ACSF2: variants seen among roughly 807,000 people sequenced by gnomAD.
ACSF2 encodes medium-chain acyl-CoA ligase ACSF2, mitochondrial.
ACSF2 carries 52 observed loss-of-function variants against 79.3 expected under a neutral mutation model. That is an observed-to-expected ratio of 0.66 (90% CI 0.53 to 0.83). The LOEUF (loss-of-function observed/expected upper bound fraction) is 0.83. Among genes scored for constraint, ACSF2 ranks in the 40% least tolerant of loss-of-function variants. The probability of loss-of-function intolerance (pLI) is 0.00; values close to 1 mark genes in which losing one functional copy is unlikely to be tolerated. For synonymous variants in ACSF2, 283 were observed against 312.6 expected (o/e 0.91, Z 1.00); for missense variants, 661 against 803.3 (o/e 0.82, Z 2.14).
At chr17:50,465,399 C>T in intron 10 of ACSF2, 1 of 1,613,910 alleles carries the variant, frequency 6.2e-7, no homozygotes, top group Non-Finnish European at 8.5e-7. Context: ...GCAGGTGAGG[C>T]ACAGGTGGCA....
At chr17:50,450,276 G>C (rs2031585167) in intron 1 of ACSF2, 1 of 152,410 alleles carries the variant, frequency 6.6e-6, no homozygotes. Flanking sequence ...GAGGCAGGTG[G>C]ATCACTTGAG....
rs774769847 is a variant in ACSF2 at position 50,468,717 on chromosome 17, G to C, written c.1216-2311G>C. The C allele has an allele frequency of 6.8e-6, 11 of 1,612,014 alleles. No homozygotes were observed. In the South Asian group the frequency reaches 8.8e-5, roughly 13 times the overall value. ...ACCTTGTCGCAGATGACGTGCTGCA[G>C]GTCGCTGTGGCAGTGGCAGTTCTGG... On this transcript the variant is annotated intron_variant, in intron 10 of 15. Coordinates refer to ENST00000300441, the MANE Select transcript of ACSF2 (RefSeq NM_025149.6).
rs373624530 is a variant in ACSF2 at position 50,443,544 on chromosome 17, T to C, written c.129-17133T>C. ...CTTGAAGATTCTCTTTTGAGCTCTC[T>C]TTAAGCAATTTGTCAGAAATGCTGA... On this transcript the variant is annotated intron_variant, in intron 1 of 15. Transcript: ENST00000300441. 1.1e-3 allele frequency among the ~76,000 whole-genome samples: 173 copies of C among 152,346 alleles called. 1 individual carries two copies. The highest frequency in any genetic ancestry group is 3.9e-3 in the African/African-American group (164 of 41,594).
chr17:50,473,432 A>G (rs920699298), intron 12 of ACSF2: 5 of 550,294 alleles, frequency 9.1e-6, no homozygotes, highest in African/African-American at 7.6e-5. Flanking sequence ...AAAGCTATGT[A>G]TAGATGTGTT....
At chr17:50,434,230 G>T (rs1287873497) in intron 1 of ACSF2, among the ~76,000 whole-genome samples, 1 of 151,392 alleles carries the variant, frequency 6.6e-6, no homozygotes, top group African/African-American at 2.4e-5. Context: ...GAGGCAGGAG[G>T]ATTGCTTGAG....
chr17:50,440,327 C>T lies in ACSF2; in HGVS notation c.128+13938C>T, dbSNP rs562251462. On this transcript the variant is annotated intron_variant, in intron 1 of 15. Coordinates refer to ENST00000300441, the MANE Select transcript of ACSF2 (RefSeq NM_025149.6). ...AGGTTCTGAGTCCTTCATCCTCCCT[C>T]CCCAGTGGCTTCTGAAGAGGCCTTG... 5.3e-5 allele frequency among the ~76,000 whole-genome samples: 8 copies of T among 152,316 alleles called. No individual in the cohort carries two copies. The South Asian group carries it at 1.2e-3, about 24-fold the overall frequency.
At chr17:50,443,623 C>T (rs925287794) in intron 1 of ACSF2, among the ~76,000 whole-genome samples, 2 of 152,170 alleles carry the variant, frequency 1.3e-5, no homozygotes, top group African/African-American at 2.4e-5. Flanking sequence ...TTTCCAGGCA[C>T]GCCCAGCACT....
At position 50,463,720 on chromosome 17, in the gene ACSF2, C is replaced by T. The variant is rs530302730; in HGVS notation, c.1047-98C>T. The stretch of plus-strand genomic sequence containing the variant: ...CCAGTTCCTGCCTCAGGAGCTTCTC[C>T]TGCCTATTCCCTTTGCTGCAGTTTC... On this transcript the variant is annotated intron_variant, in intron 8 of 15. Coordinates refer to ENST00000300441, the MANE Select transcript of ACSF2 (RefSeq NM_025149.6). The surrounding 1 kb of genome is among the most constrained non-coding windows in gnomAD (Gnocchi z 4.6). 1.9e-5 allele frequency: 29 copies of T among 1,487,486 alleles called. No homozygotes were observed. The highest frequency in any genetic ancestry group is 2.7e-5 in the Non-Finnish European group (29 of 1,076,158). 92.1% of individuals were successfully genotyped at this position (1,487,486 alleles called of 1,614,324 possible).
chr17:50,462,384 T>G, intron 5 of ACSF2, 36 bp from the exon 6 acceptor site: 2 of 1,163,794 alleles, frequency 1.7e-6, no homozygotes, highest in Non-Finnish European at 2.5e-6. Flanking sequence ...GCCCCCTCCC[T>G]CAGCCCCTGT....
At chr17:50,434,573 C>T (rs949496760) in intron 1 of ACSF2, among the ~76,000 whole-genome samples, 2 of 152,048 alleles carry the variant, frequency 1.3e-5, no homozygotes, top group Admixed American at 6.6e-5. Context: ...GTAATCCCAG[C>T]TACTCGGGAG....
rs2032486818 is a variant in ACSF2, at chr17:50,463,594, CTCT to C, written c.1046+48_1046+50del. ...AGGCTACTTGTGGGCTGATAAAACC[CTCT>C]TCTTCCTCACTCCTGGGCCCTGACA... On this transcript the variant is annotated intron_variant, in intron 8 of 15. Transcript: ENST00000300441. This position sits in a 1 kb window ranked among gnomAD's most constrained non-coding sequence, Gnocchi z 4.6. 1 of 1,602,882 alleles carries C rather than the reference CTCT, an allele frequency of 6.2e-7. No homozygotes were observed. Among genetic ancestry groups the C allele is most frequent in the Admixed American group, 1.7e-5 (1 of 59,484 alleles).
At chr17:50,427,583 T>G (rs1487912840) in intron 1 of ACSF2, among the ~76,000 whole-genome samples, 3 of 152,020 alleles carry the variant, frequency 2.0e-5, no homozygotes, top group Non-Finnish European at 4.4e-5. Flanking sequence ...AAGCCTCTCC[T>G]CTGGACTCAT....
At chr17:50,444,549 G>A (rs2031167388) in intron 1 of ACSF2, among the ~76,000 whole-genome samples, 1 of 150,940 alleles carries the variant, frequency 6.6e-6, no homozygotes. Context: ...GTGAGACTCC[G>A]GCCCAAAAAA....
intron 1 of ACSF2, among the ~76,000 whole-genome samples, chr17:50,437,962 T>G (rs1453756241): frequency 3.3e-5 from 5 of 152,222 alleles, no homozygotes; most frequent in Admixed American, 6.5e-5. Context: ...TTTCTGTCCC[T>G]CCTGCAGCTG....
Position 50,446,653 on chromosome 17 carries a change from G to A in ACSF2, c.129-14024G>A, listed in dbSNP as rs78780725. 2.7e-3 allele frequency among the ~76,000 whole-genome samples: 408 copies of A among 152,214 alleles called. 2 individuals are homozygous for A. Among genetic ancestry groups the A allele is most frequent in the African/African-American group, 9.5e-3 (394 of 41,542 alleles). The stretch of plus-strand genomic sequence containing the variant: ...ATGACCAGAAACCAGGAGTTCCCTC[G>A]TGACCTCTTTAAGTCACTGACCCTC... On this transcript the variant is annotated intron_variant, in intron 1 of 15. Transcript: ENST00000300441.
chr17:50,433,863 G>A (rs1249650177), intron 1 of ACSF2, among the ~76,000 whole-genome samples: 2 of 151,832 alleles, frequency 1.3e-5, no homozygotes, highest in Non-Finnish European at 2.9e-5. Flanking sequence ...GGGCTCAAGC[G>A]ATCCTCCCAA....
intron 1 of ACSF2, among the ~76,000 whole-genome samples, chr17:50,457,072 AACAG>A (rs890217479): frequency 3.3e-5 from 5 of 152,140 alleles, no homozygotes; most frequent in African/African-American, 9.6e-5. Context: ...CTCAAAGACA[AACAG>A]ACAAACAATA....
At chr17:50,468,312 G>T in intron 10 of ACSF2, 1 of 1,613,996 alleles carries the variant, frequency 6.2e-7, no homozygotes, top group African/African-American at 1.3e-5. Context: ...TTGGCTCCCT[G>T]GAAGGCGCCT....
intron 1 of ACSF2, among the ~76,000 whole-genome samples, chr17:50,446,252 G>T (rs546421763): frequency 6.3e-4 from 93 of 147,510 alleles, no homozygotes; most frequent in African/African-American, 2.1e-3. Flanking sequence ...GCCCTAGAAG[G>T]TTTTTTTTTT....
Sources: allele counts gnomAD v4.1 joint callset (sites outside exome capture counted in the v4.1 genomes callset), GRCh38; gene constraint gnomAD v4.1.1; non-coding constraint Gnocchi (gnomAD v3.1); transcripts MANE v1.5; gene names NCBI Gene and HGNC (gene_info 2026-07-23, HGNC 2026-07-21).